COL5A2: variants seen among roughly 807,000 people sequenced by gnomAD.
COL5A2 encodes the protein collagen type V alpha 2 chain, also known as collagen alpha-2(V) chain.
In COL5A2, 23 loss-of-function variants were observed where a neutral mutation model predicts 208.2. That is an observed-to-expected ratio of 0.11 (90% CI 0.08 to 0.16). The LOEUF (loss-of-function observed/expected upper bound fraction) is 0.16. Ranked by LOEUF, COL5A2 falls within the 10% of genes least tolerant of loss-of-function variation. The probability of loss-of-function intolerance (pLI) is 1.00; values close to 1 mark genes in which losing one functional copy is unlikely to be tolerated. For missense variants in COL5A2, 1,590 were observed against 1,956.4 expected (o/e 0.81, Z 3.53); for synonymous variants, 625 against 628.5 (o/e 0.99, Z 0.08).
At chr2:189,258,755 C>T in the COL5A2 span, among the ~76,000 whole-genome samples, 3 of 152,060 alleles carry the variant, frequency 2.0e-5, no homozygotes, top group African/African-American at 7.2e-5. Flanking sequence ...GGAACCTCAG[C>T]AGCCCAGAAA....
chr2:189,089,458 G>C (rs1452494177), intron 7 of COL5A2, among the ~76,000 whole-genome samples: 5 of 152,072 alleles, frequency 3.3e-5, no homozygotes, highest in Admixed American at 3.3e-4. Flanking sequence ...TAAATAAATT[G>C]GCAATTTATT....
the COL5A2 span, among the ~76,000 whole-genome samples, chr2:189,373,731 C>T: frequency 6.6e-6 from 1 of 152,038 alleles, no homozygotes; most frequent in Non-Finnish European, 1.5e-5. Flanking sequence ...GAAACTAAAT[C>T]CAGTATGAGA....
intron 32 of COL5A2, 108 bp from the exon 33 acceptor site, chr2:189,058,635 T>C: frequency 9.4e-7 from 1 of 1,058,530 alleles, no homozygotes. Context: ...AATGAGACAT[T>C]ACTAAATCTC....
the COL5A2 span, among the ~76,000 whole-genome samples, chr2:189,389,875 A>G: frequency 3.3e-5 from 5 of 152,174 alleles, no homozygotes; most frequent in Non-Finnish European, 5.9e-5. Context: ...AAATCTAAAC[A>G]TATCCAAAAA....
At chr2:189,293,561 C>T in the COL5A2 span, among the ~76,000 whole-genome samples, 1 of 152,100 alleles carries the variant, frequency 6.6e-6, no homozygotes, top group African/African-American at 2.4e-5. Flanking sequence ...GGAGGTGGAA[C>T]CTTTAAGAGG....
the COL5A2 span, among the ~76,000 whole-genome samples, chr2:189,434,816 G>C: frequency 6.6e-6 from 1 of 152,246 alleles, no homozygotes; most frequent in African/African-American, 2.4e-5. Flanking sequence ...CACAGAATGA[G>C]AAAAAACTAC....
intron 16 of COL5A2, among the ~76,000 whole-genome samples, chr2:189,077,481 G>A (rs77197134): frequency 2.0e-5 from 3 of 152,344 alleles, no homozygotes; most frequent in Admixed American, 6.5e-5. Context: ...ATGGGAGACA[G>A]TTCTTAGAAA....
the COL5A2 span, among the ~76,000 whole-genome samples, chr2:189,395,396 TC>T: frequency 6.6e-6 from 1 of 152,194 alleles, no homozygotes; most frequent in African/African-American, 2.4e-5. Flanking sequence ...TTTTAGTATC[TC>T]TTTTTAGGCA....
At chr2:189,220,945 AG>A (rs1689341246) in intron 1 of COL5A2, among the ~76,000 whole-genome samples, 1 of 152,168 alleles carries the variant, frequency 6.6e-6, no homozygotes, top group Non-Finnish European at 1.5e-5. Context: ...CTCTGAGCTC[AG>A]GGTTTTTTAT....
At chr2:189,440,722 G>T in the COL5A2 span, among the ~76,000 whole-genome samples, 1 of 151,686 alleles carries the variant, frequency 6.6e-6, no homozygotes, top group South Asian at 2.1e-4. Flanking sequence ...TAAACATGTT[G>T]AGATTTTAGG....
At chr2:189,337,371 A>G in the COL5A2 span, among the ~76,000 whole-genome samples, 2 of 151,242 alleles carry the variant, frequency 1.3e-5, no homozygotes, top group Non-Finnish European at 2.9e-5. Context: ...TTTAGTAGAG[A>G]CGGGGTTTCA....
chr2:189,092,227 C>T, intron 7 of COL5A2, 83 bp downstream of exon 7: 1 of 903,192 alleles, frequency 1.1e-6, no homozygotes, highest in Non-Finnish European at 1.8e-6. Context: ...AATATCTGAA[C>T]AGACACAATT....
chr2:189,408,528 C>T, the COL5A2 span, among the ~76,000 whole-genome samples: 1 of 152,126 alleles, frequency 6.6e-6, no homozygotes, highest in Admixed American at 6.5e-5. Flanking sequence ...AGGAAAGCAA[C>T]TCAGAGAATA....
chr2:189,412,849 C>T, the COL5A2 span, among the ~76,000 whole-genome samples: 8 of 152,204 alleles, frequency 5.3e-5, no homozygotes, highest in Admixed American at 4.6e-4. Flanking sequence ...AGGACTAATA[C>T]GCAGCGACTC....
At chr2:189,203,067 A>T (rs1357420138) in intron 1 of COL5A2, among the ~76,000 whole-genome samples, 1 of 152,202 alleles carries the variant, frequency 6.6e-6, no homozygotes, top group Non-Finnish European at 1.5e-5. Flanking sequence ...TAAATCTGTA[A>T]TGCAGCCCTT....
intron 2 of COL5A2, among the ~76,000 whole-genome samples, chr2:189,104,807 A>G (rs1218886882): frequency 6.6e-6 from 1 of 151,834 alleles, no homozygotes; most frequent in Non-Finnish European, 1.5e-5. Context: ...AAATTATTAC[A>G]GACTCATTTT....
At chr2:189,341,045 A>G in the COL5A2 span, among the ~76,000 whole-genome samples, 1 of 152,324 alleles carries the variant, frequency 6.6e-6, no homozygotes, top group Non-Finnish European at 1.5e-5. Flanking sequence ...TTGGTGTAAA[A>G]TAAGTTTCTA....
At chr2:189,071,164 T>C (rs956597527) in intron 18 of COL5A2, among the ~76,000 whole-genome samples, 4 of 152,188 alleles carry the variant, frequency 2.6e-5, no homozygotes, top group Non-Finnish European at 5.9e-5. Context: ...TTTACATAGA[T>C]GGTGTCACAT....
chr2:189,193,900 T>C (rs903352391), intron 1 of COL5A2, among the ~76,000 whole-genome samples: 16 of 152,170 alleles, frequency 1.1e-4, no homozygotes, highest in African/African-American at 3.6e-4. Flanking sequence ...AGAATTCTCA[T>C]GCAATCACGA....
Sources: gnomAD v4.1 joint callset for allele counts (sites outside exome capture counted in the v4.1 genomes callset) on GRCh38, gnomAD v4.1.1 for gene constraint, MANE v1.5 for transcripts, NCBI Gene and HGNC (gene_info 2026-07-23, HGNC 2026-07-21) for gene names.